TRAPPC9: variants seen among roughly 807,000 people sequenced by gnomAD.
The protein encoded by TRAPPC9 is IKK2 binding protein.
Under a neutral mutation model 124.0 loss-of-function variants are expected in TRAPPC9, and 83 were observed. The ratio of observed to expected loss-of-function variants is 0.67; its 90% CI spans 0.56 to 0.80. The LOEUF is 0.80. TRAPPC9 is among the 30% of genes least tolerant of loss of function. TRAPPC9 has a pLI of 0.00. For missense variants in TRAPPC9, 1,302 were observed against 1,508.3 expected, an observed-to-expected ratio of 0.86 and a Z score of 2.27; for synonymous variants, 638 against 617.5, an observed-to-expected ratio of 1.03 and a Z score of -0.49.
intron 14 of TRAPPC9, among the ~76,000 whole-genome samples, chr8:140,277,045 C>T (rs1754315645): frequency 6.6e-6 from 1 of 152,200 alleles, no homozygotes; most frequent in Non-Finnish European, 1.5e-5. Flanking sequence ...CCTGGCCCTG[C>T]TCCCGGTCAC....
At chr8:139,783,280 A>C (rs1234669730) in intron 21 of TRAPPC9, among the ~76,000 whole-genome samples, 1 of 152,182 alleles carries the variant, frequency 6.6e-6, no homozygotes, top group African/African-American at 2.4e-5. Flanking sequence ...GAATCTATAA[A>C]TCTCTAGCCA....
At position 140,216,095 on chromosome 8, in the gene TRAPPC9, G is replaced by C. The variant is rs1232061180; in HGVS notation, c.2556+5364C>G. The C allele has an allele frequency of 2.0e-5, 3 of 152,232 alleles. No homozygotes were observed. The highest frequency in any genetic ancestry group is 7.2e-5 in the African/African-American group (3 of 41,438). The allele number at this position is 152,232 out of a possible 1,614,324, so 9.4% of individuals were successfully genotyped here. ...AAGGTGTCACAGTGTAACTGACAGA[G>C]ACCAAAGTGGGTAACTTGGAGAGTG... On this transcript the variant is annotated intron_variant, in intron 17 of 22. Coordinates refer to ENST00000438773, the MANE Select transcript of TRAPPC9 (RefSeq NM_001160372.4). The surrounding 1 kb of genome is among the most constrained non-coding windows in gnomAD (Gnocchi z 4.1).
rs1256668383 is a variant in TRAPPC9, at chr8:139,730,523, C to G, written c.*538G>C. On this transcript the variant is annotated 3_prime_UTR_variant, in exon 23 of 23. Coordinates refer to ENST00000438773, the MANE Select transcript of TRAPPC9 (RefSeq NM_001160372.4). ...TCTCTTGGCATCAACCATCCACGAC[C>G]TCCTACGGCACCATCTCTCCTGCCA... 3 of 157,610 alleles carry G rather than the reference C, an allele frequency of 1.9e-5. No individual in the cohort carries two copies. Among genetic ancestry groups the G allele is most frequent in the Admixed American group, 1.8e-4 (3 of 16,566 alleles). The allele number at this position is 157,610 out of a possible 1,614,324, so 9.8% of individuals were successfully genotyped here. A position where few individuals can be genotyped will look rare whatever the true frequency, so the allele number is the denominator to read the frequency against.
intron 19 of TRAPPC9, among the ~76,000 whole-genome samples, chr8:139,958,730 C>G (rs1481727691): frequency 6.6e-6 from 1 of 152,228 alleles, no homozygotes; most frequent in Non-Finnish European, 1.5e-5. Context: ...TACAGACACG[C>G]CCCGAGGCAG....
At chr8:140,357,638 C>T (rs931452926) in intron 9 of TRAPPC9, among the ~76,000 whole-genome samples, 1 of 152,100 alleles carries the variant, frequency 6.6e-6, no homozygotes, top group Non-Finnish European at 1.5e-5. Context: ...GGAGAGCAAA[C>T]ATTCACTCGA....
At chr8:140,332,076 T>C (rs2066907575) in intron 9 of TRAPPC9, among the ~76,000 whole-genome samples, 1 of 152,130 alleles carries the variant, frequency 6.6e-6, no homozygotes, top group Non-Finnish European at 1.5e-5. Context: ...TCAACCCAAG[T>C]GACCATCAAT....
intron 17 of TRAPPC9, among the ~76,000 whole-genome samples, chr8:140,056,042 C>T (rs1842270334): frequency 6.6e-6 from 1 of 152,018 alleles, no homozygotes; most frequent in Non-Finnish European, 1.5e-5. Flanking sequence ...CCAAAACCAT[C>T]TTGAAAAACC....
At chr8:139,961,605 G>A (rs1835375709) in intron 19 of TRAPPC9, among the ~76,000 whole-genome samples, 1 of 123,684 alleles carries the variant, frequency 8.1e-6, no homozygotes, top group Admixed American at 8.4e-5. Flanking sequence ...CCCAGGTGCA[G>A]GACCTGGGCG....
intron 19 of TRAPPC9, among the ~76,000 whole-genome samples, chr8:139,952,496 GAC>G (rs1834701336): frequency 6.6e-6 from 1 of 152,176 alleles, no homozygotes; most frequent in African/African-American, 2.4e-5. Context: ...GAAACAGCAA[GAC>G]TGCACAGGAG....
At chr8:140,244,839 G>A (rs377105061) in intron 16 of TRAPPC9, among the ~76,000 whole-genome samples, 11 of 115,592 alleles carry the variant, frequency 9.5e-5, no homozygotes, top group African/African-American at 2.8e-4. Flanking sequence ...ACAGAGTTTC[G>A]CTCTGACACC....
At chr8:139,738,457 C>T (rs979667075) in intron 21 of TRAPPC9, among the ~76,000 whole-genome samples, 1 of 152,194 alleles carries the variant, frequency 6.6e-6, no homozygotes, top group African/African-American at 2.4e-5. Context: ...GACCCTGGGC[C>T]ATCGGAGTAG....
intron 21 of TRAPPC9, among the ~76,000 whole-genome samples, chr8:139,863,127 T>G (rs1428127320): frequency 6.6e-6 from 1 of 152,218 alleles, no homozygotes; most frequent in Non-Finnish European, 1.5e-5. Flanking sequence ...CCACAGGAAT[T>G]GGCTGCATTT....
Position 140,451,056 on chromosome 8 carries a change from G to A in TRAPPC9, c.318C>T (p.Tyr106=), listed in dbSNP as rs764117141. ...FEKFHVQKEI[Y]GSTLYDSRLF... The stretch of plus-strand genomic sequence containing the variant: ...GCCGGGAGTCATACAGTGTGGAGCC[G>A]TAGATCTCCTTCTGCACGTGGAACT... Residue 106 remains tyrosine (Y), a synonymous_variant, in exon 2 of 23, where the codon TAC becomes TAT. Transcript: ENST00000438773. 17 of 1,613,898 alleles carry A rather than the reference G, an allele frequency of 1.1e-5. No individual in the cohort carries two copies. The highest frequency in any genetic ancestry group is 5.3e-5 in the African/African-American group (4 of 74,926).
intron 3 of TRAPPC9, among the ~76,000 whole-genome samples, chr8:140,437,812 G>T (rs2070873990): frequency 6.6e-6 from 1 of 152,150 alleles, no homozygotes; most frequent in Non-Finnish European, 1.5e-5. Context: ...GACTCAGCCA[G>T]TCCATCCTCC....
intron 17 of TRAPPC9, among the ~76,000 whole-genome samples, chr8:140,107,122 C>T (rs542412767): frequency 6.6e-6 from 1 of 152,240 alleles, no homozygotes; most frequent in South Asian, 2.1e-4. Flanking sequence ...AAAAATACAG[C>T]AAGGACCACC....
intron 19 of TRAPPC9, among the ~76,000 whole-genome samples, chr8:139,947,473 T>C (rs1200426233): frequency 6.6e-6 from 1 of 152,218 alleles, no homozygotes; most frequent in African/African-American, 2.4e-5. Flanking sequence ...TGCCAATATC[T>C]CCCTTGCTTT....
chr8:140,032,668 TG>T (rs1468914398), intron 17 of TRAPPC9, among the ~76,000 whole-genome samples: 1 of 152,228 alleles, frequency 6.6e-6, no homozygotes, highest in African/African-American at 2.4e-5. Context: ...TTCAATATTT[TG>T]TTATTATGAA....
At chr8:140,153,875 C>A (rs1256616830) in intron 17 of TRAPPC9, among the ~76,000 whole-genome samples, 1 of 152,168 alleles carries the variant, frequency 6.6e-6, no homozygotes, top group East Asian at 1.9e-4. Flanking sequence ...TTGTAACATA[C>A]CCCATGCTCT....
chr8:140,059,630 G>A (rs1842480665), intron 17 of TRAPPC9, among the ~76,000 whole-genome samples: 2 of 152,250 alleles, frequency 1.3e-5, no homozygotes, highest in East Asian at 3.8e-4. Flanking sequence ...GTGTGTAGGA[G>A]TGTCTAATCG....
Sources: allele counts gnomAD v4.1 joint callset (sites outside exome capture counted in the v4.1 genomes callset), GRCh38; gene constraint gnomAD v4.1.1; non-coding constraint Gnocchi (gnomAD v3.1); transcripts MANE v1.5; gene names NCBI Gene and HGNC (gene_info 2026-07-23, HGNC 2026-07-21).